The following BTN2A2 variants were observed in gnomAD, a reference collection of about 807,000 sequenced individuals.
The protein encoded by BTN2A2 is butyrophilin subfamily 2 member A2, also known as butyrophilin 2.
A neutral mutation model predicts 34.7 loss-of-function variants in BTN2A2; 29 were observed. That is an observed-to-expected ratio of 0.84 (90% CI 0.62 to 1.14). BTN2A2 has a LOEUF of 1.14. Ranked by LOEUF, BTN2A2 falls within the 50% of genes most tolerant of loss-of-function variation. BTN2A2 has a pLI of 0.00. For missense variants in BTN2A2, 612 were observed against 651.5 expected (o/e 0.94, Z 0.66); for synonymous variants, 240 against 253.1 (o/e 0.95, Z 0.49).
rs754040438 is a variant in BTN2A2, at chr6:26,390,212, G to A, written c.931+1G>A. 90 of 1,612,648 alleles carry A rather than the reference G, an allele frequency of 5.6e-5. No homozygotes were observed. The East Asian group carries it at 1.1e-3, about 20-fold the overall frequency. ...GAACAAGAGGAAAAAGAAATTGCACGTAAGGAATTTGTAAAGAAAGTGTGG... is the reference window on the plus strand; with the variant it reads ...GAACAAGAGGAAAAAGAAATTGCACATAAGGAATTTGTAAAGAAAGTGTGG... On this transcript the variant is annotated splice_donor_variant, in intron 5 of 7. Coordinates refer to ENST00000356709, the MANE Select transcript of BTN2A2 (RefSeq NM_006995.5). LOFTEE classifies it high-confidence loss of function.
intron 4 of BTN2A2, among the ~76,000 whole-genome samples, chr6:26,388,910 G>A (rs774915618): frequency 5.3e-5 from 8 of 152,106 alleles, no homozygotes; most frequent in Non-Finnish European, 7.4e-5. Flanking sequence ...TCATGAGTTC[G>A]GGAGTTCAGG....
chr6:26,386,507 C>T (rs1761212687), intron 3 of BTN2A2, among the ~76,000 whole-genome samples: 1 of 152,180 alleles, frequency 6.6e-6, no homozygotes, highest in Non-Finnish European at 1.5e-5. Context: ...ACAAAGGCAA[C>T]CTTACATCTG....
intron 5 of BTN2A2, 37 bp downstream of exon 5, chr6:26,390,248 A>G: frequency 6.3e-7 from 1 of 1,587,646 alleles, no homozygotes; most frequent in Non-Finnish European, 8.6e-7. Flanking sequence ...AAAAATAGAA[A>G]GAAATTCAAA....
chr6:26,389,882 A>G (rs1761455868), intron 4 of BTN2A2, 123 bp from the exon 5 acceptor site: 1 of 914,532 alleles, frequency 1.1e-6, no homozygotes, highest in East Asian at 2.4e-5. Flanking sequence ...TCTCCATCTA[A>G]GGTTTCTGAG....
At position 26,388,415 on chromosome 6, in the gene BTN2A2, G is replaced by A. The variant is rs75535092; in HGVS notation, c.724+121G>A. ...GAATGGTCCTGGGCCCTGAGGAGCT[G>A]GAGGCTGCAGCTGAGTTGAGACGTC... On this transcript the variant is annotated intron_variant, in intron 4 of 7. Transcript: ENST00000356709. The A allele has an allele frequency of 1.2e-4, 143 of 1,192,652 alleles. No individual in the cohort carries two copies. The East Asian group carries it at 3.3e-3, about 28-fold the overall frequency. 73.9% of individuals were successfully genotyped at this position (1,192,652 alleles called of 1,614,324 possible). A position where few individuals can be genotyped will look rare whatever the true frequency, so the allele number is the denominator to read the frequency against.
chr6:26,389,371 C>G (rs1761424711), intron 4 of BTN2A2, among the ~76,000 whole-genome samples: 1 of 152,096 alleles, frequency 6.6e-6, no homozygotes, highest in Non-Finnish European at 1.5e-5. Flanking sequence ...TGCTTAAGGA[C>G]TGAGCAGCCA....
In BTN2A2 at chr6:26,383,688, G is replaced by T. The variant is rs1019643324; in HGVS notation, c.-30-104G>T. The T allele has an allele frequency of 2.4e-6, 2 of 831,214 alleles. No homozygotes were observed. The highest frequency in any genetic ancestry group is 2.2e-5 in the Admixed American group (1 of 46,086). 51.5% of individuals were successfully genotyped at this position (831,214 alleles called of 1,614,324 possible). ...CTTGAGATGCAAGCGACTCCCAGAAGTTGGGGCACCGATGAGACCTACTTG... is the reference window on the plus strand; with the variant it reads ...CTTGAGATGCAAGCGACTCCCAGAATTTGGGGCACCGATGAGACCTACTTG... On this transcript the variant is annotated intron_variant, in intron 1 of 7. Transcript: ENST00000356709. This position sits in a 1 kb window ranked among gnomAD's most constrained non-coding sequence, Gnocchi z 4.4.
Position 26,385,119 on chromosome 6 carries a change from G to C in BTN2A2, c.199G>C (p.Glu67Gln). 6.2e-7 allele frequency: 1 copy of C among 1,614,026 alleles called. No individual in the cohort carries two copies. Residue 67 changes from glutamate to glutamine, a missense_variant, in exon 3 of 8, where the codon GAG becomes CAG. Physicochemically the swap from Glu to Gln is conservative, Grantham distance 29 (BLOSUM62 2). Coordinates refer to ENST00000356709, the MANE Select transcript of BTN2A2 (RefSeq NM_006995.5). ...ACCCGAGAAAAATGCTGAGGACATG[G>C]AGGTGCGGTGGTTCCGGTCTCAGTT... The part of the protein sequence containing the change: ...LSPEKNAEDM[E>Q]VRWFRSQFSP...
chr6:26,391,114 G>C, intron 7 of BTN2A2: 2 of 565,324 alleles, frequency 3.5e-6, no homozygotes, highest in Non-Finnish European at 6.3e-6. Context: ...AGCCTCCTAA[G>C]AGTTACATTT....
chr6:26,385,917 T>A (rs998129194), intron 3 of BTN2A2, among the ~76,000 whole-genome samples: 28 of 152,274 alleles, frequency 1.8e-4, no homozygotes, highest in African/African-American at 6.7e-4. Flanking sequence ...AAATAGTTAA[T>A]CCCGGAAAAG....
chr6:26,385,097 C>T lies in BTN2A2; in HGVS notation c.177C>T (p.Pro59=), dbSNP rs150302333. 4,256 of 1,613,944 alleles carry T rather than the reference C, an allele frequency of 2.6e-3. 12 individuals are homozygous for T. Among genetic ancestry groups the T allele is most frequent in the East Asian group, 0.016 (715 of 44,888 alleles). The change falls in exon 3 of 8, where the codon CCC becomes CCT. Residue 59 remains proline (P), a synonymous_variant. Transcript: ENST00000356709. ...CTACATTACGCTGCCATCTGTCACC[C>T]GAGAAAAATGCTGAGGACATGGAGG... ...ENTTLRCHLS[P]EKNAEDMEVR...
chr6:26,392,424 A>G lies in BTN2A2; in HGVS notation c.1029A>G (p.Ser343=). 6.2e-7 allele frequency: 1 copy of G among 1,614,224 alleles called. No individual in the cohort carries two copies. The highest frequency in any genetic ancestry group is 1.1e-5 in the South Asian group (1 of 91,090). ...CCGCTCATCCCGAGCTCTTCCTGTC[A>G]GAGGACCGGAGAAGTGTGAGGCGGG... ...PDTAHPELFL[S]EDRRSVRRGP... The change falls in exon 8 of 8, where the codon TCA becomes TCG. Residue 343 remains serine (S), a synonymous_variant. Coordinates refer to ENST00000356709, the MANE Select transcript of BTN2A2 (RefSeq NM_006995.5).
Position 26,383,816 on chromosome 6 carries a change from G to A in BTN2A2, c.-6G>A. On this transcript the variant is annotated 5_prime_UTR_variant, in exon 2 of 8. In the 5' UTR this introduces an upstream ATG that the reference lacks. Transcript: ENST00000356709. This position sits in a 1 kb window ranked among gnomAD's most constrained non-coding sequence, Gnocchi z 4.4. ...GGCCTCTGGTCTCTGCCTGCCCTGG[G>A]TGCTCATGGAACCAGCTGCTGCTCT... 1 of 1,613,996 alleles carries A rather than the reference G, an allele frequency of 6.2e-7. No homozygotes were observed. Among genetic ancestry groups the A allele is most frequent in the African/African-American group, 1.3e-5 (1 of 74,998 alleles).
At chr6:26,389,894 G>A in intron 4 of BTN2A2, 111 bp from the exon 5 acceptor site, 1 of 1,021,082 alleles carries the variant, frequency 9.8e-7, no homozygotes, top group Non-Finnish European at 1.4e-6. Context: ...GTTTCTGAGG[G>A]AGAAGCCAAC....
chr6:26,394,300 G>A lies in BTN2A2; in HGVS notation c.*1333G>A, dbSNP rs1231518175. The A allele has an allele frequency of 5.7e-6, 4 of 700,698 alleles. No individual in the cohort carries two copies. In the Admixed American group the frequency reaches 6.0e-5, roughly 11 times the overall value. 43.4% of individuals were successfully genotyped at this position (700,698 alleles called of 1,614,324 possible). On this transcript the variant is annotated 3_prime_UTR_variant, in exon 8 of 8. Transcript: ENST00000356709. ...ATCCATGTGCTGGTTAATTTTAGATGTCAACCTGACTGGATTAAGGAATAC... is the reference window on the plus strand; with the variant it reads ...ATCCATGTGCTGGTTAATTTTAGATATCAACCTGACTGGATTAAGGAATAC...
chr6:26,393,557 ACC>A lies in BTN2A2; in HGVS notation c.*592_*593del. On this transcript the variant is annotated 3_prime_UTR_variant, in exon 8 of 8. Coordinates refer to ENST00000356709, the MANE Select transcript of BTN2A2 (RefSeq NM_006995.5). ...CAACCCCAGGATTTCCACAGCACACACCCACAGGCCTGGACCTGGGATGAAGA... is the reference window on the plus strand; with the variant it reads ...CAACCCCAGGATTTCCACAGCACACACACAGGCCTGGACCTGGGATGAAGA... 1 of 1,012,198 alleles carries A rather than the reference ACC, an allele frequency of 9.9e-7. No homozygotes were observed. The highest frequency in any genetic ancestry group is 9.9e-5 in the East Asian group (1 of 10,080). 62.7% of individuals were successfully genotyped at this position (1,012,198 alleles called of 1,614,324 possible).
In BTN2A2 at chr6:26,384,311, G is replaced by A. The variant is rs371916316; in HGVS notation, c.94+396G>A. Among the ~76,000 whole-genome samples the A allele has an allele frequency of 1.5e-4, 23 of 152,132 alleles. No homozygotes were observed. Among genetic ancestry groups the A allele is most frequent in the African/African-American group, 5.3e-4 (22 of 41,508 alleles). ...AGTACAAGCAAGGGCCACCACACTC[G>A]ACTAAGTTTTATTTTTTGTAGAGAC... On this transcript the variant is annotated intron_variant, in intron 2 of 7. Transcript: ENST00000356709. This position sits in a 1 kb window ranked among gnomAD's most constrained non-coding sequence, Gnocchi z 4.0.
At chr6:26,391,203 T>C (rs1372912750) in intron 7 of BTN2A2, 1 of 376,172 alleles carries the variant, frequency 2.7e-6, no homozygotes. Context: ...CTGGGAATGG[T>C]ATAGACTGTG....
chr6:26,385,403 G>C, intron 3 of BTN2A2, 41 bp downstream of exon 3: 1 of 1,558,292 alleles, frequency 6.4e-7, no homozygotes, highest in Non-Finnish European at 8.7e-7. Flanking sequence ...TGCACAGTGT[G>C]ACTTTTGGGG....
Sources: allele counts gnomAD v4.1 joint callset (sites outside exome capture counted in the v4.1 genomes callset), GRCh38; gene constraint gnomAD v4.1.1; non-coding constraint Gnocchi (gnomAD v3.1); transcripts MANE v1.5; gene names NCBI Gene and HGNC (gene_info 2026-07-23, HGNC 2026-07-21).